DSCAM: variants seen among roughly 807,000 people sequenced by gnomAD.
The protein encoded by DSCAM is cell adhesion molecule DSCAM.
Under a neutral mutation model 217.7 loss-of-function variants are expected in DSCAM, and 47 were observed. That is an observed-to-expected ratio of 0.22 (90% CI 0.17 to 0.28). The LOEUF is 0.28. Among genes scored for constraint, DSCAM ranks in the 10% least tolerant of loss-of-function variants. The pLI is 1.00. For synonymous variants in DSCAM, 1,056 were observed against 1,015.3 expected (o/e 1.04, Z -0.76); for missense variants, 2,080 against 2,618.3 (o/e 0.79, Z 4.49).
intron 1 of DSCAM, among the ~76,000 whole-genome samples, chr21:40,758,782 C>T (rs2091301672): frequency 6.6e-6 from 1 of 152,030 alleles, no homozygotes; most frequent in African/African-American, 2.4e-5. Flanking sequence ...CTTCACACCC[C>T]AAATGGTCTT....
intron 27 of DSCAM, among the ~76,000 whole-genome samples, chr21:40,067,781 C>T (rs936712394): frequency 1.7e-5 from 2 of 116,442 alleles, no homozygotes; most frequent in African/African-American, 6.5e-5. Flanking sequence ...TCCCTTCCTT[C>T]CTTCCTTCTT....
At chr21:40,536,988 A>G (rs1370085207) in intron 3 of DSCAM, among the ~76,000 whole-genome samples, 1 of 152,112 alleles carries the variant, frequency 6.6e-6, no homozygotes, top group Non-Finnish European at 1.5e-5. Context: ...AGAACTGCAA[A>G]ACACCTAACT....
intron 1 of DSCAM, among the ~76,000 whole-genome samples, chr21:40,799,917 G>T (rs913641342): frequency 2.0e-5 from 3 of 152,108 alleles, no homozygotes; most frequent in Non-Finnish European, 2.9e-5. Flanking sequence ...TTGAATGTTT[G>T]TCCCCTCTGA....
chr21:40,712,469 C>CAAA (rs571819417), intron 1 of DSCAM, among the ~76,000 whole-genome samples: 3,723 of 27,324 alleles, frequency 0.14, 140 homozygotes, highest in Non-Finnish European at 0.17. Context: ...GACTCCGTCT[C>CAAA]AAAAAAAAAA....
intron 1 of DSCAM, among the ~76,000 whole-genome samples, chr21:40,749,723 A>C (rs1281803830): frequency 2.0e-5 from 3 of 152,176 alleles, no homozygotes; most frequent in African/African-American, 7.2e-5. Context: ...CCATTACTGG[A>C]TATAGATCTA....
chr21:40,745,124 T>TA (rs1406974539), intron 1 of DSCAM, among the ~76,000 whole-genome samples: 4 of 151,876 alleles, frequency 2.6e-5, no homozygotes, highest in Non-Finnish European at 5.9e-5. Flanking sequence ...GAAAAATCTT[T>TA]AAAAAAAGAT....
At chr21:40,513,918 C>G (rs1601705590) in intron 3 of DSCAM, among the ~76,000 whole-genome samples, 1 of 152,114 alleles carries the variant, frequency 6.6e-6, no homozygotes, top group Admixed American at 6.6e-5. Context: ...CCTCCAGGCA[C>G]CAGATCACAG....
intron 3 of DSCAM, among the ~76,000 whole-genome samples, chr21:40,408,157 T>C (rs761607427): frequency 3.1e-4 from 47 of 151,912 alleles, no homozygotes; most frequent in Admixed American, 5.2e-4. Context: ...GTGCCCAACA[T>C]GAAAACAAAG....
intron 3 of DSCAM, among the ~76,000 whole-genome samples, chr21:40,637,541 A>G (rs2089809668): frequency 1.1e-5 from 1 of 95,136 alleles, no homozygotes; most frequent in Non-Finnish European, 1.9e-5. Flanking sequence ...ATACATATAT[A>G]CATATATATA....
intron 3 of DSCAM, among the ~76,000 whole-genome samples, chr21:40,600,292 G>A (rs187655198): frequency 6.6e-6 from 1 of 152,300 alleles, no homozygotes; most frequent in Non-Finnish European, 1.5e-5. Context: ...TCCAAGATCA[G>A]GGCACCAGCA....
chr21:40,209,832 C>A (rs1390906037), intron 11 of DSCAM, among the ~76,000 whole-genome samples: 1 of 152,170 alleles, frequency 6.6e-6, no homozygotes, highest in African/African-American at 2.4e-5. Flanking sequence ...ATCGCTCATT[C>A]ATCTTCCTTT....
At chr21:40,020,924 A>G (rs2088254691) in intron 32 of DSCAM, among the ~76,000 whole-genome samples, 1 of 152,192 alleles carries the variant, frequency 6.6e-6, no homozygotes, top group African/African-American at 2.4e-5. Context: ...CCTTCCTGTC[A>G]GAGACCCTAA....
intron 15 of DSCAM, among the ~76,000 whole-genome samples, chr21:40,176,641 C>G (rs766834774): frequency 6.6e-6 from 1 of 152,210 alleles, no homozygotes; most frequent in Non-Finnish European, 1.5e-5. Flanking sequence ...GACAAGTTAT[C>G]TGCTGTAGCT....
At chr21:40,532,676 CA>C (rs757634925) in intron 3 of DSCAM, among the ~76,000 whole-genome samples, 13 of 151,968 alleles carry the variant, frequency 8.6e-5, no homozygotes, top group Non-Finnish European at 1.6e-4. Flanking sequence ...ATAAGATGGC[CA>C]AGGGCATCCT....
chr21:40,094,375 G>A (rs2089650731), intron 20 of DSCAM, among the ~76,000 whole-genome samples: 2 of 152,164 alleles, frequency 1.3e-5, no homozygotes, highest in Admixed American at 1.3e-4. Context: ...CAACTCGGGA[G>A]GTTGGCAGCC....
intron 22 of DSCAM, among the ~76,000 whole-genome samples, chr21:40,086,969 G>A (rs1463528245): frequency 6.6e-6 from 1 of 152,132 alleles, no homozygotes; most frequent in Non-Finnish European, 1.5e-5. Flanking sequence ...ATTAACAGAG[G>A]GTTGATACAA....
intron 3 of DSCAM, among the ~76,000 whole-genome samples, chr21:40,685,573 G>A (rs1159245241): frequency 6.6e-6 from 1 of 152,206 alleles, no homozygotes; most frequent in African/African-American, 2.4e-5. Context: ...GTGCTTCCTA[G>A]TGATTCCACA....
intron 2 of DSCAM, among the ~76,000 whole-genome samples, chr21:40,705,222 A>C (rs755435271): frequency 1.3e-5 from 2 of 152,188 alleles, no homozygotes; most frequent in Non-Finnish European, 1.5e-5. Flanking sequence ...TGTTGCTTCC[A>C]TGTTTTGGCA....
At chr21:40,077,936 C>G (rs1043129670) in intron 26 of DSCAM, among the ~76,000 whole-genome samples, 5 of 152,186 alleles carry the variant, frequency 3.3e-5, no homozygotes, top group Non-Finnish European at 7.3e-5. Flanking sequence ...TGAGCATCAG[C>G]CCGCTGCTGC....
Sources: allele counts gnomAD v4.1 joint callset (sites outside exome capture counted in the v4.1 genomes callset), GRCh38; gene constraint gnomAD v4.1.1; transcripts MANE v1.5; gene names NCBI Gene and HGNC (gene_info 2026-07-23, HGNC 2026-07-21).